PPP2R2B: variants seen among roughly 807,000 people sequenced by gnomAD.
PPP2R2B encodes the protein protein phosphatase 2 regulatory subunit Bbeta.
In PPP2R2B, 5 loss-of-function variants were observed where a neutral mutation model predicts 46.0. That is an observed-to-expected ratio of 0.11 (90% CI 0.06 to 0.23). The LOEUF (loss-of-function observed/expected upper bound fraction) is 0.23, where lower values mean the gene tolerates loss of function less well. PPP2R2B is among the 10% of genes least tolerant of loss of function. The pLI is 1.00. For synonymous variants in PPP2R2B, 215 were observed against 206.7 expected, an observed-to-expected ratio of 1.04 and a Z score of -0.34; for missense variants, 367 against 575.0, an observed-to-expected ratio of 0.64 and a Z score of 3.70.
intron 2 of PPP2R2B, among the ~76,000 whole-genome samples, chr5:146,776,300 C>T (rs377071107): frequency 6.0e-4 from 92 of 152,106 alleles, no homozygotes; most frequent in African/African-American, 2.1e-3. Flanking sequence ...GGGATAACAA[C>T]GGTTTTATAT....
intron 2 of PPP2R2B, among the ~76,000 whole-genome samples, chr5:146,842,547 A>AGTTTTTCTATGT: frequency 6.6e-6 from 1 of 151,786 alleles, no homozygotes; most frequent in South Asian, 2.1e-4. Context: ...TTACATAGAA[A>AGTTTTTCTATGT]AACATGTGCC....
At chr5:147,060,437 G>A (rs1757222875), upstream of PPP2R2B, among the ~76,000 whole-genome samples, 1 of 152,012 alleles carries the variant, frequency 6.6e-6, no homozygotes, top group South Asian at 2.1e-4. Context: ...GACCAGCCTG[G>A]GCAATAGGGT....
intron 1 of PPP2R2B, among the ~76,000 whole-genome samples, chr5:146,932,001 T>C (rs1032253890): frequency 6.6e-6 from 1 of 152,210 alleles, no homozygotes; most frequent in African/African-American, 2.4e-5. Flanking sequence ...AGCAATAATC[T>C]GAAATATTTC....
chr5:147,018,726 T>C (rs571828294), intron 1 of PPP2R2B, among the ~76,000 whole-genome samples: 5 of 152,168 alleles, frequency 3.3e-5, no homozygotes, highest in African/African-American at 1.2e-4. Context: ...AGAACAAGGG[T>C]TATGGACTGA....
chr5:146,920,127 T>C (rs980689407), intron 1 of PPP2R2B, among the ~76,000 whole-genome samples: 1 of 152,228 alleles, frequency 6.6e-6, no homozygotes, highest in African/African-American at 2.4e-5. Context: ...ATAGTAATTA[T>C]TACAAATAAT....
At chr5:146,972,440 G>T (rs1177290429) in intron 1 of PPP2R2B, among the ~76,000 whole-genome samples, 1 of 152,106 alleles carries the variant, frequency 6.6e-6, no homozygotes, top group Non-Finnish European at 1.5e-5. Context: ...GGCTGGGCAC[G>T]GTGGCTCATG....
At chr5:146,671,445 T>C (rs982351491) in intron 5 of PPP2R2B, among the ~76,000 whole-genome samples, 2 of 152,206 alleles carry the variant, frequency 1.3e-5, no homozygotes, top group African/African-American at 4.8e-5. Context: ...TGAAGGCCTC[T>C]GTCTCTCAAC....
intron 5 of PPP2R2B, among the ~76,000 whole-genome samples, chr5:146,689,984 A>G (rs1437363493): frequency 1.3e-5 from 2 of 152,236 alleles, no homozygotes; most frequent in East Asian, 3.8e-4. Context: ...CTGCTGAATA[A>G]GCAGATGTAT....
intron 2 of PPP2R2B, among the ~76,000 whole-genome samples, chr5:147,074,638 G>A (rs1301761721): frequency 6.6e-6 from 1 of 152,092 alleles, no homozygotes; most frequent in African/African-American, 2.4e-5. Flanking sequence ...TCACTGAAGG[G>A]AAGCTGAAAA....
At chr5:146,736,263 CCT>C (rs1456068632) in intron 2 of PPP2R2B, among the ~76,000 whole-genome samples, 1 of 152,162 alleles carries the variant, frequency 6.6e-6, no homozygotes, top group Non-Finnish European at 1.5e-5. Flanking sequence ...GTCAATTAAA[CCT>C]CTTTCCTTTA....
intron 4 of PPP2R2B, among the ~76,000 whole-genome samples, chr5:146,694,060 G>T (rs1779035439): frequency 6.6e-6 from 1 of 152,194 alleles, no homozygotes; most frequent in African/African-American, 2.4e-5. Context: ...AGGAGATGTG[G>T]ATCACAGTAC....
At chr5:147,055,776 A>C (rs1253102649) in exon 1 of PPP2R2B, 5 of 1,574,660 alleles carry the variant, frequency 3.2e-6, no homozygotes, top group South Asian at 2.3e-5. Context: ...CTAAATAAAA[A>C]AACAGTCTCC....
chr5:146,654,630 T>G (rs1776201772), intron 5 of PPP2R2B, among the ~76,000 whole-genome samples: 2 of 152,190 alleles, frequency 1.3e-5, no homozygotes, highest in Non-Finnish European at 2.9e-5. Flanking sequence ...TGGTATTATA[T>G]GCTTGCATCC....
intron 2 of PPP2R2B, among the ~76,000 whole-genome samples, chr5:146,747,054 A>G (rs1582010557): frequency 6.6e-6 from 1 of 152,200 alleles, no homozygotes; most frequent in East Asian, 1.9e-4. Context: ...TCCAGTACCT[A>G]CAACAGTGCT....
At chr5:146,691,815 T>C (rs1028657867) in intron 4 of PPP2R2B, among the ~76,000 whole-genome samples, 2 of 152,196 alleles carry the variant, frequency 1.3e-5, no homozygotes, top group East Asian at 3.8e-4. Flanking sequence ...TTAAGCTCAC[T>C]AAGCCTCGGG....
upstream of PPP2R2B, among the ~76,000 whole-genome samples, chr5:147,057,407 C>G (rs920708784): frequency 6.6e-5 from 10 of 152,144 alleles, no homozygotes; most frequent in Non-Finnish European, 1.5e-4. Context: ...AGGAGTGTCT[C>G]CCTAAGAGAT....
chr5:147,015,304 A>C lies in PPP2R2B; in HGVS notation c.79+40361T>G, dbSNP rs79393855. On this transcript the variant is annotated intron_variant, in intron 1 of 8. Transcript: ENST00000336640. Reference sequence around the variant, plus strand: ...ATTGAATTTATATGACTGTAAAAGGAAGTTCACCTTGCTTAGTTGGAACAA... The same window carrying C: ...ATTGAATTTATATGACTGTAAAAGGCAGTTCACCTTGCTTAGTTGGAACAA... Among the ~76,000 whole-genome samples, 95 of 151,764 alleles carry C rather than the reference A, an allele frequency of 6.3e-4. 12 individuals carry two copies. In the East Asian group the frequency reaches 0.018, roughly 30 times the overall value.
intron 2 of PPP2R2B, among the ~76,000 whole-genome samples, chr5:146,791,494 G>A (rs1561909946): frequency 6.6e-6 from 1 of 151,986 alleles, no homozygotes; most frequent in South Asian, 2.1e-4. Context: ...AACAGTGATT[G>A]GTTCAGGCAT....
At chr5:146,718,372 A>G (rs1341945371) in intron 2 of PPP2R2B, among the ~76,000 whole-genome samples, 1 of 151,828 alleles carries the variant, frequency 6.6e-6, no homozygotes. Flanking sequence ...TGGGTGACAG[A>G]GTGAGACCCC....
Sources: allele counts gnomAD v4.1 joint callset (sites outside exome capture counted in the v4.1 genomes callset), GRCh38; gene constraint gnomAD v4.1.1; transcripts MANE v1.5; gene names NCBI Gene and HGNC (gene_info 2026-07-23, HGNC 2026-07-21).